Variants in FUT9 observed in about 807,000 individuals in gnomAD.
FUT9 encodes the protein fucosyltransferase 9.
Under a neutral mutation model 29.7 loss-of-function variants are expected in FUT9, and 15 were observed. That is an observed-to-expected ratio of 0.51 (90% CI 0.34 to 0.78). The LOEUF (loss-of-function observed/expected upper bound fraction) is 0.78, where lower values mean the gene tolerates loss of function less well. FUT9 is among the 30% of genes least tolerant of loss of function. The pLI is 0.01. For missense variants in FUT9, 319 were observed against 425.4 expected (o/e 0.75, Z 2.20); for synonymous variants, 169 against 153.7 (o/e 1.10, Z -0.74).
At chr6:96,058,543 C>A (rs1770817139) in intron 1 of FUT9, among the ~76,000 whole-genome samples, 1 of 148,048 alleles carries the variant, frequency 6.8e-6, no homozygotes. Context: ...CCTTTGAAGA[C>A]CTAATGCAGT....
chr6:96,167,574 G>A (rs1441930502), intron 2 of FUT9, among the ~76,000 whole-genome samples: 1 of 152,208 alleles, frequency 6.6e-6, no homozygotes, highest in Non-Finnish European at 1.5e-5. Flanking sequence ...GGACACTTCA[G>A]ATGAGCAAAG....
chr6:96,173,626 G>A (rs1331791930), intron 2 of FUT9, among the ~76,000 whole-genome samples: 2 of 151,706 alleles, frequency 1.3e-5, no homozygotes, highest in South Asian at 2.1e-4. Flanking sequence ...GAAAAAACTG[G>A]TGACTATTTT....
chr6:96,139,721 TG>T (rs1772426407), intron 2 of FUT9, among the ~76,000 whole-genome samples: 1 of 152,142 alleles, frequency 6.6e-6, no homozygotes, highest in African/African-American at 2.4e-5. Flanking sequence ...TGCCAAGGTT[TG>T]GAGCTTGCAC....
intron 1 of FUT9, among the ~76,000 whole-genome samples, chr6:96,062,824 TCAACAACAAAA>T (rs66598289): frequency 0.028 from 4,241 of 152,078 alleles, 78 homozygotes; most frequent in East Asian, 0.081. Context: ...AAAACAAAGA[TCAACAACAAAA>T]CAACAACAAA....
intron 2 of FUT9, among the ~76,000 whole-genome samples, chr6:96,132,441 A>G (rs559323140): frequency 3.3e-5 from 5 of 152,210 alleles, no homozygotes; most frequent in Non-Finnish European, 5.9e-5. Context: ...GTGTGTAAGC[A>G]TGCATTCCAC....
At chr6:96,155,996 C>T (rs373696567) in intron 2 of FUT9, among the ~76,000 whole-genome samples, 1 of 152,196 alleles carries the variant, frequency 6.6e-6, no homozygotes, top group South Asian at 2.1e-4. Context: ...ATAAAACCAA[C>T]TGCTTCTTCC....
In FUT9 at chr6:96,026,061, A is replaced by G. The variant is rs200634713; in HGVS notation, c.-98+9849A>G. 4.6e-5 allele frequency among the ~76,000 whole-genome samples: 7 copies of G among 151,706 alleles called. No homozygotes were observed. In the East Asian group the frequency reaches 9.7e-4, roughly 21 times the overall value. ...CAGTGAACATGCCTCTCTTTGTTCC[A>G]GAAGATACTATTTCTATCCAAGGCT... On this transcript the variant is annotated intron_variant, in intron 1 of 2. Transcript: ENST00000302103.
intron 2 of FUT9, among the ~76,000 whole-genome samples, chr6:96,141,039 G>T (rs886492584): frequency 3.9e-5 from 6 of 152,140 alleles, no homozygotes; most frequent in African/African-American, 1.4e-4. Context: ...TTCAATTTTT[G>T]CTAAATATAG....
At chr6:96,111,746 A>G (rs965500587) in intron 1 of FUT9, among the ~76,000 whole-genome samples, 1 of 152,200 alleles carries the variant, frequency 6.6e-6, no homozygotes, top group Non-Finnish European at 1.5e-5. Context: ...AAACAAAAAC[A>G]AGAAAACACT....
intron 2 of FUT9, among the ~76,000 whole-genome samples, chr6:96,199,472 C>T (rs1417790486): frequency 2.0e-5 from 3 of 151,992 alleles, no homozygotes; most frequent in African/African-American, 7.3e-5. Context: ...ATAAAATATC[C>T]AGGAAGCATG....
At chr6:96,175,954 A>T (rs1773194949) in intron 2 of FUT9, among the ~76,000 whole-genome samples, 1 of 152,250 alleles carries the variant, frequency 6.6e-6, no homozygotes, top group African/African-American at 2.4e-5. Flanking sequence ...GGGCACTAAC[A>T]AATTTGCTGA....
intron 1 of FUT9, among the ~76,000 whole-genome samples, chr6:96,022,775 A>C (rs1402920631): frequency 1.3e-5 from 2 of 151,890 alleles, no homozygotes; most frequent in Non-Finnish European, 2.9e-5. Context: ...ATAGTATGCC[A>C]GACAGTCATA....
chr6:96,090,506 A>G (rs1395834633), intron 1 of FUT9, among the ~76,000 whole-genome samples: 1 of 151,970 alleles, frequency 6.6e-6, no homozygotes, highest in Admixed American at 6.6e-5. Flanking sequence ...TTTACTATTT[A>G]TATAGTAAAA....
At chr6:96,053,363 G>GA (rs1023872869) in intron 1 of FUT9, among the ~76,000 whole-genome samples, 11 of 151,534 alleles carry the variant, frequency 7.3e-5, no homozygotes, top group African/African-American at 2.4e-4. Flanking sequence ...TATTTTCAAT[G>GA]AAAAAAAACT....
chr6:96,090,160 G>T (rs1006899476), intron 1 of FUT9, among the ~76,000 whole-genome samples: 1 of 152,024 alleles, frequency 6.6e-6, no homozygotes, highest in African/African-American at 2.4e-5. Context: ...ATGTGTATAT[G>T]AAAGATACAT....
At chr6:96,194,120 T>C (rs573044212) in intron 2 of FUT9, among the ~76,000 whole-genome samples, 1 of 152,284 alleles carries the variant, frequency 6.6e-6, no homozygotes, top group Non-Finnish European at 1.5e-5. Context: ...AGTTAATGGG[T>C]GCAGCACACC....
chr6:96,184,146 G>A (rs895799206), intron 2 of FUT9, among the ~76,000 whole-genome samples: 5 of 150,670 alleles, frequency 3.3e-5, no homozygotes, highest in African/African-American at 4.8e-5. Context: ...GGTCTGTTCA[G>A]GGTATCTAAT....
At chr6:96,197,184 C>T (rs1033500644) in intron 2 of FUT9, among the ~76,000 whole-genome samples, 3 of 152,008 alleles carry the variant, frequency 2.0e-5, no homozygotes, top group South Asian at 2.1e-4. Context: ...AAAAGACATG[C>T]GTTGGACTGT....
intron 1 of FUT9, among the ~76,000 whole-genome samples, chr6:96,111,366 G>C (rs1771803027): frequency 6.6e-6 from 1 of 152,056 alleles, no homozygotes; most frequent in South Asian, 2.1e-4. Flanking sequence ...CACAAATATA[G>C]GGAATGGAGA....
Sources: gnomAD v4.1 joint callset for allele counts (sites outside exome capture counted in the v4.1 genomes callset) on GRCh38, gnomAD v4.1.1 for gene constraint, MANE v1.5 for transcripts, NCBI Gene and HGNC (gene_info 2026-07-23, HGNC 2026-07-21) for gene names.